The following FBN1 variants were observed in gnomAD, a reference collection of about 807,000 sequenced individuals.
FBN1 encodes the protein fibrillin 1.
FBN1 carries 29 observed loss-of-function variants against 365.1 expected under a neutral mutation model. That is an observed-to-expected ratio of 0.08 (90% confidence interval 0.06 to 0.11). FBN1 has a LOEUF of 0.11. Among genes scored for constraint, FBN1 ranks in the 10% least tolerant of loss-of-function variants. The pLI is 1.00. For missense variants in FBN1, 2,476 were observed against 3,703.2 expected (o/e 0.67, Z 8.60); for synonymous variants, 1,210 against 1,270.5 (o/e 0.95, Z 1.01).
At chr15:48,532,865 A>G (rs2043985119) in intron 8 of FBN1, among the ~76,000 whole-genome samples, 2 of 152,198 alleles carry the variant, frequency 1.3e-5, no homozygotes, top group African/African-American at 4.8e-5. Context: ...AGAAAGAACT[A>G]TTTTTTCACA....
At chr15:48,508,389 C>T (rs1566914802) in intron 15 of FBN1, among the ~76,000 whole-genome samples, 193 bp downstream of exon 15, 2 of 152,172 alleles carry the variant, frequency 1.3e-5, no homozygotes. Context: ...TCTGAAATAA[C>T]AATAGTCTTC....
intron 2 of FBN1, chr15:48,643,821 C>T: frequency 6.6e-6 from 1 of 152,164 alleles, no homozygotes; most frequent in Non-Finnish European, 1.5e-5. Flanking sequence ...GAAATGTATT[C>T]CCACTGTCCT....
intron 11 of FBN1, among the ~76,000 whole-genome samples, 182 bp from the exon 12 acceptor site, chr15:48,515,709 G>A (rs2043795366): frequency 6.6e-6 from 1 of 152,182 alleles, no homozygotes; most frequent in Non-Finnish European, 1.5e-5. Flanking sequence ...ATTGCACTGT[G>A]AGCACTGGGG....
intron 56 of FBN1, among the ~76,000 whole-genome samples, chr15:48,429,138 T>C (rs1290803842): frequency 6.6e-6 from 1 of 152,208 alleles, no homozygotes; most frequent in Non-Finnish European, 1.5e-5. Context: ...TTAAATCTTT[T>C]CATATTAGGA....
intron 42 of FBN1, among the ~76,000 whole-genome samples, chr15:48,461,179 G>C (rs944463365): frequency 2.0e-5 from 3 of 152,162 alleles, no homozygotes; most frequent in Admixed American, 2.0e-4. Flanking sequence ...AACGCCAGCT[G>C]ACATTGGTCA....
rs570065857 is a variant in FBN1 at position 48,468,395 on chromosome 15, A to G, written c.4582+17T>C. On this transcript the variant is annotated intron_variant, in intron 37 of 65. Coordinates refer to ENST00000316623, the MANE Select transcript of FBN1 (RefSeq NM_000138.5). ...ACACAGTATGCTTGCTTCTCTGAAA[A>G]GTTTTTAAGGTCTTACCAACACAGC... The G allele has an allele frequency of 6.2e-7, 1 of 1,614,006 alleles. No homozygotes were observed. The highest frequency in any genetic ancestry group is 8.5e-7 in the Non-Finnish European group (1 of 1,180,004).
At chr15:48,441,922 C>T in intron 49 of FBN1, 76 bp from the exon 50 acceptor site, 2 of 1,513,866 alleles carry the variant, frequency 1.3e-6, no homozygotes, top group Non-Finnish European at 1.8e-6. Context: ...ACAATGTGGA[C>T]ACACAAAGGG....
chr15:48,457,816 A>G (rs1004917942), intron 43 of FBN1, among the ~76,000 whole-genome samples: 5 of 152,152 alleles, frequency 3.3e-5, no homozygotes, highest in African/African-American at 1.2e-4. Context: ...TAAGAGATGA[A>G]GCAAGTGAGG....
At chr15:48,627,188 AT>A (rs1229529151) in intron 2 of FBN1, among the ~76,000 whole-genome samples, 1 of 152,108 alleles carries the variant, frequency 6.6e-6, no homozygotes, top group South Asian at 2.1e-4. Context: ...TTGTGCTCTG[AT>A]TTTTTTACTA....
At chr15:48,479,929 C>T (rs2043453901) in intron 32 of FBN1, among the ~76,000 whole-genome samples, 1 of 152,146 alleles carries the variant, frequency 6.6e-6, no homozygotes, top group South Asian at 2.1e-4. Context: ...GAAGCAATGG[C>T]TTTCACTAAA....
intron 2 of FBN1, among the ~76,000 whole-genome samples, chr15:48,639,710 G>C (rs1337917075): frequency 6.6e-6 from 1 of 152,178 alleles, no homozygotes; most frequent in Non-Finnish European, 1.5e-5. Flanking sequence ...ATGTGCCTGA[G>C]TTAGGCCACA....
intron 22 of FBN1, 23 bp downstream of exon 22, chr15:48,495,100 A>G: frequency 6.2e-7 from 1 of 1,613,936 alleles, no homozygotes; most frequent in Middle Eastern, 1.7e-4. Flanking sequence ...TGGTATAGGA[A>G]CCACAGCATG....
intron 60 of FBN1, among the ~76,000 whole-genome samples, chr15:48,423,111 CA>C (rs1424404553): frequency 1.3e-5 from 2 of 152,194 alleles, no homozygotes; most frequent in African/African-American, 4.8e-5. Context: ...AATGTTATTT[CA>C]AAATACCAAG....
At chr15:48,475,959 T>C (rs1420958532) in intron 32 of FBN1, among the ~76,000 whole-genome samples, 1 of 152,170 alleles carries the variant, frequency 6.6e-6, no homozygotes, top group East Asian at 1.9e-4. Flanking sequence ...CATGACACAT[T>C]GTATAGGTGG....
intron 61 of FBN1, 74 bp downstream of exon 61, chr15:48,421,878 A>T: frequency 4.6e-6 from 6 of 1,314,140 alleles, no homozygotes; most frequent in Non-Finnish European, 6.6e-6. Flanking sequence ...TTATCCCAAC[A>T]GCAGAGGAAA....
chr15:48,587,176 G>A (rs906593802), intron 6 of FBN1, among the ~76,000 whole-genome samples: 1 of 152,116 alleles, frequency 6.6e-6, no homozygotes, highest in Admixed American at 6.6e-5. Context: ...TCCAACATAT[G>A]TTCATAAACC....
intron 5 of FBN1, among the ~76,000 whole-genome samples, chr15:48,598,316 T>C (rs1463255810): frequency 6.6e-6 from 1 of 152,210 alleles, no homozygotes; most frequent in Non-Finnish European, 1.5e-5. Context: ...CAAAGAGTTG[T>C]TGTCATATTA....
At chr15:48,431,441 C>G (rs1281458372) in intron 55 of FBN1, among the ~76,000 whole-genome samples, 1 of 151,940 alleles carries the variant, frequency 6.6e-6, no homozygotes, top group Non-Finnish European at 1.5e-5. Flanking sequence ...AGCATGATTT[C>G]TAATTCTTGT....
chr15:48,618,540 T>A (rs1366830330), intron 2 of FBN1, among the ~76,000 whole-genome samples: 2 of 152,176 alleles, frequency 1.3e-5, no homozygotes, highest in African/African-American at 4.8e-5. Flanking sequence ...CCAGTCACAA[T>A]GCAACCTGGG....
Sources: gnomAD v4.1 joint callset for allele counts (sites outside exome capture counted in the v4.1 genomes callset) on GRCh38, gnomAD v4.1.1 for gene constraint, MANE v1.5 for transcripts, NCBI Gene and HGNC (gene_info 2026-07-23, HGNC 2026-07-21) for gene names.